Variants in DST observed in about 807,000 individuals in gnomAD.
DST encodes the protein bullous pemphigoid antigen.
Under a neutral mutation model 875.2 loss-of-function variants are expected in DST, and 253 were observed. The observed-to-expected ratio is 0.29, with a 90% CI of 0.26 to 0.32. The LOEUF is 0.32. Ranked by LOEUF, DST falls within the 10% of genes least tolerant of loss-of-function variation. The probability of loss-of-function intolerance (pLI) is 1.00; values close to 1 mark genes in which losing one functional copy is unlikely to be tolerated. For missense variants in DST, 8,287 were observed against 9,111.6 expected (o/e 0.91, Z 3.68); for synonymous variants, 3,124 against 3,197.1 (o/e 0.98, Z 0.77).
intron 10 of DST, 49 bp downstream of exon 10, chr6:56,670,592 A>T (rs1262451111): frequency 4.2e-6 from 5 of 1,182,072 alleles, no homozygotes; most frequent in Non-Finnish European, 3.4e-6. Flanking sequence ...CAGAGATGAA[A>T]GAAATGTGTC....
intron 37 of DST, among the ~76,000 whole-genome samples, chr6:56,613,984 C>T (rs187342156): frequency 5.9e-5 from 9 of 152,206 alleles, no homozygotes; most frequent in African/African-American, 1.4e-4. Context: ...AAGAATAAGA[C>T]GGCATATCTT....
chr6:56,732,696 G>A (rs959659229), intron 5 of DST, among the ~76,000 whole-genome samples: 1 of 152,170 alleles, frequency 6.6e-6, no homozygotes, highest in Non-Finnish European at 1.5e-5. Flanking sequence ...CTGTGTATAT[G>A]CTTTTTTATA....
Position 56,593,281 on chromosome 6 carries a change from C to T in DST, c.12726+382G>A, listed in dbSNP as rs1391805458. 2.6e-5 allele frequency among the ~76,000 whole-genome samples: 4 copies of T among 151,918 alleles called. No homozygotes were observed. In the East Asian group the frequency reaches 7.7e-4, roughly 29 times the overall value. On this transcript the variant is annotated intron_variant, in intron 48 of 103. Transcript: ENST00000680361. ...CTGCAATCCCAGCACTTTGGGAAGC[C>T]GAGGTGAGCGGATCACGAGGTCAGG...
chr6:56,684,591 G>A (rs915794723), intron 9 of DST, among the ~76,000 whole-genome samples: 1 of 152,160 alleles, frequency 6.6e-6, no homozygotes, highest in African/African-American at 2.4e-5. Context: ...CCTAGGGTAT[G>A]GGCCCAGGTC....
Position 56,607,878 on chromosome 6 carries a change from A to G in DST, c.6750T>C (p.Cys2250=). 6.2e-7 allele frequency: 1 copy of G among 1,613,702 alleles called. No individual in the cohort carries two copies. The highest frequency in any genetic ancestry group is 8.5e-7 in the Non-Finnish European group (1 of 1,179,740). The change falls in exon 40 of 104, where the codon TGT becomes TGC. Residue 2250 remains cysteine (C), a synonymous_variant. Coordinates refer to ENST00000680361, the MANE Select transcript of DST (RefSeq NM_001374736.1). The part of the protein sequence containing the change: ...EFDGNTAIKE[C]LDVLSSSGVF... Reference sequence around the variant, plus strand: ...CACCAGATGAGCTTAAGACATCGAGACATTCTTTTATGGCTGTGTTTCCAT... The same window carrying G: ...CACCAGATGAGCTTAAGACATCGAGGCATTCTTTTATGGCTGTGTTTCCAT...
At chr6:56,520,644 T>C (rs866349220) in intron 69 of DST, among the ~76,000 whole-genome samples, 8 of 152,254 alleles carry the variant, frequency 5.3e-5, no homozygotes, top group Non-Finnish European at 7.4e-5. Flanking sequence ...AGACATTGTA[T>C]ACGTGTATCA....
chr6:56,738,159 G>T (rs906902571), intron 4 of DST, among the ~76,000 whole-genome samples: 10 of 152,028 alleles, frequency 6.6e-5, no homozygotes, highest in African/African-American at 2.4e-4. Context: ...AGAAAAAAAA[G>T]GTACTTATAT....
At chr6:56,715,843 T>C (rs543795369) in intron 5 of DST, among the ~76,000 whole-genome samples, 1 of 152,334 alleles carries the variant, frequency 6.6e-6, no homozygotes, top group East Asian at 1.9e-4. Context: ...TTTAAGCTCA[T>C]TCATTTCCCC....
At chr6:56,686,142 C>G (rs2099185548) in intron 9 of DST, among the ~76,000 whole-genome samples, 1 of 152,174 alleles carries the variant, frequency 6.6e-6, no homozygotes, top group Admixed American at 6.5e-5. Flanking sequence ...AAATCATGTC[C>G]TTTGCAAAAA....
At chr6:56,750,741 G>C (rs1017030938) in intron 4 of DST, among the ~76,000 whole-genome samples, 4 of 152,198 alleles carry the variant, frequency 2.6e-5, no homozygotes, top group African/African-American at 9.7e-5. Flanking sequence ...CACATACTGA[G>C]GAAGTTTTCC....
intron 4 of DST, among the ~76,000 whole-genome samples, chr6:56,848,466 G>A (rs892604281): frequency 3.3e-5 from 5 of 152,154 alleles, no homozygotes; most frequent in African/African-American, 9.7e-5. Context: ...GTTTCAGGAA[G>A]AGTATGAAAA....
intron 3 of DST, among the ~76,000 whole-genome samples, chr6:56,868,264 T>C (rs2127603387): frequency 6.6e-6 from 1 of 152,344 alleles, no homozygotes; most frequent in East Asian, 1.9e-4. Flanking sequence ...TTTCCAATCG[T>C]GGTTCTGATA....
chr6:56,800,955 G>C (rs1183671559), intron 4 of DST, among the ~76,000 whole-genome samples: 2 of 149,888 alleles, frequency 1.3e-5, no homozygotes, highest in Non-Finnish European at 2.9e-5. Context: ...AGGAACTCAA[G>C]GCTACAGTAA....
At chr6:56,709,659 T>C (rs922071757) in intron 5 of DST, among the ~76,000 whole-genome samples, 3 of 152,230 alleles carry the variant, frequency 2.0e-5, no homozygotes, top group Non-Finnish European at 1.5e-5. Context: ...TCATCCGTCA[T>C]ATGCCAGGGT....
At chr6:56,479,597 T>C (rs2152416742) in intron 90 of DST, among the ~76,000 whole-genome samples, 1 of 152,186 alleles carries the variant, frequency 6.6e-6, no homozygotes, top group South Asian at 2.1e-4. Flanking sequence ...TATGCAGCCA[T>C]AAAAAAGAAT....
chr6:56,916,792 A>T (rs1228522768), intron 2 of DST, among the ~76,000 whole-genome samples: 14 of 143,188 alleles, frequency 9.8e-5, no homozygotes, highest in African/African-American at 3.0e-4. Context: ...ACACACACAC[A>T]CACACACACA....
At position 56,603,723 on chromosome 6, in the gene DST, A is replaced by T. The variant is rs2098467462; in HGVS notation, c.10792-10T>A. The T allele has an allele frequency of 6.3e-7, 1 of 1,591,506 alleles. No individual in the cohort carries two copies. Among genetic ancestry groups the T allele is most frequent in the Non-Finnish European group, 8.5e-7 (1 of 1,171,690 alleles). ...GTAATTCACTGGAAAACTAAAAACA[A>T]AGTTGGACATTTTAATTCAATAACC... On this transcript the variant is annotated splice_polypyrimidine_tract_variant and intron_variant, in intron 40 of 103. Coordinates refer to ENST00000680361, the MANE Select transcript of DST (RefSeq NM_001374736.1).
chr6:56,898,927 C>T (rs1792701551), intron 3 of DST, among the ~76,000 whole-genome samples: 1 of 152,132 alleles, frequency 6.6e-6, no homozygotes, highest in Admixed American at 6.5e-5. Flanking sequence ...TGTTGATTGA[C>T]TCGACTGTGA....
chr6:56,745,466 A>G (rs2099569520), intron 4 of DST, among the ~76,000 whole-genome samples: 1 of 152,228 alleles, frequency 6.6e-6, no homozygotes, highest in Admixed American at 6.5e-5. Flanking sequence ...CTGGTAGTAC[A>G]CGAAGAAATT....
Sources: gnomAD v4.1 joint callset for allele counts (sites outside exome capture counted in the v4.1 genomes callset) on GRCh38, gnomAD v4.1.1 for gene constraint, MANE v1.5 for transcripts, NCBI Gene and HGNC (gene_info 2026-07-23, HGNC 2026-07-21) for gene names.